PLB1: variants seen among roughly 807,000 people sequenced by gnomAD.
PLB1 encodes phospholipase B1.
PLB1 carries 242 observed loss-of-function variants against 227.4 expected under a neutral mutation model. The observed-to-expected ratio is 1.06, with a 90% CI of 0.96 to 1.18. The LOEUF (loss-of-function observed/expected upper bound fraction) is 1.18. Among genes scored for constraint, PLB1 ranks in the 50% most tolerant of loss-of-function variants. PLB1 has a pLI of 0.00. For synonymous variants in PLB1, 757 were observed against 682.2 expected, an observed-to-expected ratio of 1.11 and a Z score of -1.71; for missense variants, 1,858 against 1,816.3, an observed-to-expected ratio of 1.02 and a Z score of -0.42.
intron 57 of PLB1, 79 bp downstream of exon 57, chr2:28,641,080 A>C: frequency 7.3e-7 from 1 of 1,365,224 alleles, no homozygotes; most frequent in South Asian, 1.3e-5. Flanking sequence ...AGCACAGAGG[A>C]GTCCCCGGGG....
At chr2:28,503,971 C>A (rs762577238) in intron 1 of PLB1, among the ~76,000 whole-genome samples, 2 of 152,194 alleles carry the variant, frequency 1.3e-5, no homozygotes, top group Non-Finnish European at 2.9e-5. Context: ...AATATACCAT[C>A]GTCTATATTG....
At chr2:28,572,443 G>A (rs560516522) in intron 20 of PLB1, among the ~76,000 whole-genome samples, 4 of 152,186 alleles carry the variant, frequency 2.6e-5, no homozygotes, top group Admixed American at 1.3e-4. Flanking sequence ...ACAAAAACTT[G>A]TACACAAATG....
intron 6 of PLB1, among the ~76,000 whole-genome samples, chr2:28,527,713 A>G (rs1260655142): frequency 2.0e-5 from 3 of 152,234 alleles, no homozygotes; most frequent in Non-Finnish European, 4.4e-5. Flanking sequence ...CACTGCTGCC[A>G]GGGAACTTGG....
At chr2:28,539,920 C>G (rs889392708) in intron 11 of PLB1, among the ~76,000 whole-genome samples, 3 of 150,990 alleles carry the variant, frequency 2.0e-5, no homozygotes, top group Non-Finnish European at 4.4e-5. Flanking sequence ...ATCTACCCCC[C>G]AGGAAAAGCT....
intron 12 of PLB1, 125 bp downstream of exon 12, chr2:28,540,566 G>A: frequency 1.3e-6 from 1 of 752,434 alleles, no homozygotes; most frequent in Non-Finnish European, 2.3e-6. Flanking sequence ...CTGAATTCAG[G>A]ACTAAGTCAG....
chr2:28,570,159 T>A (rs973660746), intron 20 of PLB1, among the ~76,000 whole-genome samples: 2 of 152,190 alleles, frequency 1.3e-5, no homozygotes, highest in South Asian at 4.1e-4. Flanking sequence ...GAGGAAGGAA[T>A]GCTTCACAAC....
chr2:28,559,775 G>A (rs562796749), intron 17 of PLB1, among the ~76,000 whole-genome samples: 10 of 121,816 alleles, frequency 8.2e-5, no homozygotes, highest in African/African-American at 2.9e-4. Flanking sequence ...TTTTTGAGAC[G>A]GAGTCTCGCT....
intron 1 of PLB1, among the ~76,000 whole-genome samples, chr2:28,515,216 T>A (rs1668703795): frequency 6.6e-6 from 1 of 152,196 alleles, no homozygotes; most frequent in Non-Finnish European, 1.5e-5. Flanking sequence ...CTAACTCCTC[T>A]ATTCCACTCC....
chr2:28,593,013 C>T (rs929576980), intron 32 of PLB1, among the ~76,000 whole-genome samples: 15 of 152,288 alleles, frequency 9.8e-5, no homozygotes, highest in Admixed American at 7.2e-4. Flanking sequence ...CAAAATTCTC[C>T]TAAACCTCCC....
chr2:28,563,190 C>G lies in PLB1; in HGVS notation c.1206+91C>G, dbSNP rs948956043. 3.8e-6 allele frequency: 5 copies of G among 1,310,886 alleles called. No homozygotes were observed. The East Asian group carries it at 9.4e-5, about 25-fold the overall frequency. The allele number at this position is 1,310,886 out of a possible 1,614,324, so 81.2% of individuals were successfully genotyped here. ...AGGAAAATGGAGAGAGAAGGTCTCA[C>G]GCCTGGCTCTTAGATGCTACCATCT... On this transcript the variant is annotated intron_variant, in intron 18 of 57. Transcript: ENST00000327757.
intron 4 of PLB1, among the ~76,000 whole-genome samples, chr2:28,522,608 C>A (rs578199005): frequency 1.3e-5 from 2 of 152,136 alleles, no homozygotes; most frequent in Admixed American, 6.5e-5. Context: ...CTCCGCCCAG[C>A]GTTGGTCTCT....
chr2:28,536,148 G>C (rs944624615), intron 9 of PLB1, among the ~76,000 whole-genome samples: 4 of 152,286 alleles, frequency 2.6e-5, no homozygotes, highest in Admixed American at 2.6e-4. Flanking sequence ...TTCCCCTGTG[G>C]AGACCTTTGG....
intron 43 of PLB1, among the ~76,000 whole-genome samples, chr2:28,606,911 A>G (rs1340095311): frequency 1.3e-5 from 2 of 152,170 alleles, no homozygotes; most frequent in Non-Finnish European, 2.9e-5. Context: ...TTTGGGGCAG[A>G]TGAAAAAATC....
In PLB1 at chr2:28,628,495, C is replaced by A. The variant is rs1307930590; in HGVS notation, c.3661-68C>A. The stretch of plus-strand genomic sequence containing the variant: ...CATTTAGCCCAGGCCCCAGAGCCCT[C>A]CTATGCTCTTGCCATTCTCTCAGAG... On this transcript the variant is annotated intron_variant, in intron 51 of 57. Transcript: ENST00000327757. 2.8e-6 allele frequency: 4 copies of A among 1,435,040 alleles called. No individual in the cohort carries two copies. In the African/African-American group the frequency reaches 5.6e-5, roughly 20 times the overall value. 88.9% of individuals were successfully genotyped at this position (1,435,040 alleles called of 1,614,324 possible).
chr2:28,511,788 C>A (rs374667418), intron 1 of PLB1, among the ~76,000 whole-genome samples: 1 of 132,672 alleles, frequency 7.5e-6, no homozygotes, highest in Non-Finnish European at 1.6e-5. Flanking sequence ...GCCATTTTAT[C>A]TTTTTTTTTT....
At chr2:28,512,891 G>A (rs933989340) in intron 1 of PLB1, among the ~76,000 whole-genome samples, 4 of 152,020 alleles carry the variant, frequency 2.6e-5, no homozygotes, top group African/African-American at 9.7e-5. Context: ...ATTTACATGT[G>A]GCTCTTTCAG....
chr2:28,615,328 G>A (rs1364531532), intron 44 of PLB1, among the ~76,000 whole-genome samples: 2 of 152,234 alleles, frequency 1.3e-5, no homozygotes, highest in African/African-American at 2.4e-5. Context: ...TGGATTTCAA[G>A]TGGAGAAAGA....
intron 8 of PLB1, among the ~76,000 whole-genome samples, chr2:28,530,962 G>GT (rs1670931054): frequency 6.6e-6 from 1 of 152,230 alleles, no homozygotes; most frequent in Non-Finnish European, 1.5e-5. Flanking sequence ...TGAGGAAACT[G>GT]AAGTTCCCAG....
chr2:28,582,210 A>T, intron 24 of PLB1, 77 bp downstream of exon 24: 1 of 1,497,506 alleles, frequency 6.7e-7, no homozygotes. Flanking sequence ...TCCTGCTGAG[A>T]CCTCCTTGGC....
Sources: gnomAD v4.1 joint callset for allele counts (sites outside exome capture counted in the v4.1 genomes callset) on GRCh38, gnomAD v4.1.1 for gene constraint, MANE v1.5 for transcripts, NCBI Gene and HGNC (gene_info 2026-07-23, HGNC 2026-07-21) for gene names.